TNRC6A: variants seen among roughly 807,000 people sequenced by gnomAD.
TNRC6A encodes trinucleotide repeat containing adaptor 6A, also known as trinucleotide repeat-containing gene 6A protein.
In TNRC6A, 44 loss-of-function variants were observed where a neutral mutation model predicts 221.2. The observed-to-expected ratio is 0.20, with a 90% CI of 0.16 to 0.26. The LOEUF is 0.26. TNRC6A is among the 10% of genes least tolerant of loss of function. The probability of loss-of-function intolerance (pLI) is 1.00; values close to 1 mark genes in which losing one functional copy is unlikely to be tolerated. For synonymous variants in TNRC6A, 847 were observed against 838.5 expected, an observed-to-expected ratio of 1.01 and a Z score of -0.18; for missense variants, 2,199 against 2,404.4, an observed-to-expected ratio of 0.91 and a Z score of 1.79.
At chr16:24,745,432 A>T (rs937050869) in intron 2 of TNRC6A, among the ~76,000 whole-genome samples, 1 of 152,164 alleles carries the variant, frequency 6.6e-6, no homozygotes, top group African/African-American at 2.4e-5. Flanking sequence ...AAGGAAATAG[A>T]AGAAGGTGGG....
chr16:24,777,908 AAAAT>A (rs2151735620), intron 5 of TNRC6A, among the ~76,000 whole-genome samples: 1 of 152,312 alleles, frequency 6.6e-6, no homozygotes, highest in South Asian at 2.1e-4. Context: ...GGTGAGGCAG[AAAAT>A]AAATCTGGTA....
At chr16:24,696,950 G>T (rs957822032) in intron 2 of TNRC6A, among the ~76,000 whole-genome samples, 3 of 152,018 alleles carry the variant, frequency 2.0e-5, no homozygotes, top group African/African-American at 7.2e-5. Context: ...AGAGACACGA[G>T]AACTGATAGC....
chr16:24,687,944 CTTTTCTTTTCT>C (rs1391862577), intron 2 of TNRC6A, among the ~76,000 whole-genome samples: 6 of 111,364 alleles, frequency 5.4e-5, no homozygotes, highest in African/African-American at 2.2e-4. Flanking sequence ...CTTTTCTTTT[CTTTTCTTTTCT>C]TTTTTTTTTT....
upstream of TNRC6A, among the ~76,000 whole-genome samples, chr16:24,728,179 T>C (rs1204422932): frequency 6.6e-6 from 1 of 152,184 alleles, no homozygotes; most frequent in Non-Finnish European, 1.5e-5. Context: ...CTGGGCGCGG[T>C]GGCTCACGCC....
intron 2 of TNRC6A, among the ~76,000 whole-genome samples, chr16:24,654,696 G>A (rs1902866099): frequency 1.3e-5 from 2 of 151,844 alleles, no homozygotes; most frequent in Non-Finnish European, 2.9e-5. Flanking sequence ...TCCAGCCTGG[G>A]TGACAGAGTG....
At position 24,790,064 on chromosome 16, in the gene TNRC6A, G is replaced by A. The variant is rs529580829; in HGVS notation, c.1422G>A (p.Glu474=). Residue 474 remains glutamate, a synonymous_variant, in exon 6 of 25, where the codon GAG becomes GAA. Transcript: ENST00000395799. The part of the protein sequence containing the change: ...LPNSGSVQNN[E]LPSSNTGAWR... ...ACTCCGGTTCAGTGCAGAATAATGA[G>A]CTGCCTAGTAGTAACACAGGGGCCT... The A allele has an allele frequency of 5.0e-6, 8 of 1,614,220 alleles. No individual in the cohort carries two copies. The South Asian group carries it at 7.7e-5, about 16-fold the overall frequency.
intron 2 of TNRC6A, among the ~76,000 whole-genome samples, chr16:24,721,329 T>C (rs1353399969): frequency 1.3e-5 from 2 of 152,124 alleles, no homozygotes; most frequent in African/African-American, 4.8e-5. Context: ...TCATACCAGA[T>C]TTACTCATAA....
At chr16:24,666,300 C>G (rs1025662283) in intron 2 of TNRC6A, among the ~76,000 whole-genome samples, 2 of 151,740 alleles carry the variant, frequency 1.3e-5, no homozygotes, top group South Asian at 2.1e-4. Flanking sequence ...AACCCCATCT[C>G]TACTAAAAAT....
chr16:24,797,455 C>A, intron 9 of TNRC6A, 35 bp from the exon 10 acceptor site: 1 of 1,512,562 alleles, frequency 6.6e-7, no homozygotes, highest in Non-Finnish European at 9.1e-7. Flanking sequence ...ACAGAGATGG[C>A]CATGGCATCT....
At position 24,812,019 on chromosome 16, in the gene TNRC6A, A is replaced by ATTTTTTTTTTTTTTTTTTTTTT. The variant is rs71156440; in HGVS notation, c.4672+2564_4672+2585dup. ...CCGTTCAGGGGAATGTCACTTTGGG[A>ATTTTTTTTTTTTTTTTTTTTTT]TTTTTTTTTTTTTTTTTTTTTTTTT... On this transcript the variant is annotated intron_variant, in intron 18 of 24. Transcript: ENST00000395799. 1.2e-4 allele frequency among the ~76,000 whole-genome samples: 5 copies of ATTTTTTTTTTTTTTTTTTTTTT among 40,854 alleles called. 1 individual carries two copies. Among genetic ancestry groups the ATTTTTTTTTTTTTTTTTTTTTT allele is most frequent in the African/African-American group, 2.0e-4 (2 of 10,152 alleles). 26.8% of individuals were successfully genotyped at this position (40,854 alleles called of 152,430 possible).
chr16:24,769,765 C>G (rs1298431972), intron 4 of TNRC6A, among the ~76,000 whole-genome samples: 1 of 152,186 alleles, frequency 6.6e-6, no homozygotes, highest in African/African-American at 2.4e-5. Context: ...ATCATTCTTT[C>G]TCTTTTCTTT....
intron 2 of TNRC6A, among the ~76,000 whole-genome samples, chr16:24,714,153 A>T (rs565297491): frequency 6.6e-6 from 1 of 151,938 alleles, no homozygotes; most frequent in Admixed American, 6.6e-5. Flanking sequence ...GTCTCCTATA[A>T]CCCATATAGG....
chr16:24,771,712 C>T (rs931836704), intron 4 of TNRC6A, among the ~76,000 whole-genome samples: 3 of 152,032 alleles, frequency 2.0e-5, no homozygotes, highest in Non-Finnish European at 2.9e-5. Flanking sequence ...GGACTACAGA[C>T]ATCTGCTGCT....
At chr16:24,774,312 A>G (rs2151693632) in intron 4 of TNRC6A, among the ~76,000 whole-genome samples, 1 of 152,292 alleles carries the variant, frequency 6.6e-6, no homozygotes, top group East Asian at 1.9e-4. Context: ...AGCTTCATGT[A>G]ATAATCAGTA....
intron 1 of TNRC6A, among the ~76,000 whole-genome samples, chr16:24,633,006 T>C (rs949672572): frequency 9.5e-6 from 1 of 104,780 alleles, no homozygotes; most frequent in Admixed American, 1.0e-4. Context: ...CAAAACTCAG[T>C]CTCGAAAAAA....
intron 2 of TNRC6A, among the ~76,000 whole-genome samples, chr16:24,677,763 G>A (rs1342426468): frequency 2.6e-5 from 4 of 152,152 alleles, no homozygotes; most frequent in African/African-American, 9.7e-5. Flanking sequence ...AATAGTGCCT[G>A]GTGCAAAGTA....
At chr16:24,649,411 C>A (rs964765058) in intron 2 of TNRC6A, among the ~76,000 whole-genome samples, 9 of 152,116 alleles carry the variant, frequency 5.9e-5, no homozygotes, top group Non-Finnish European at 1.3e-4. Context: ...TGGGCTCAAG[C>A]CATCTTCCCA....
rs905709912 is a variant in TNRC6A, at chr16:24,732,652, A to C, written c.53+2352A>C. Among the ~76,000 whole-genome samples, 6 of 152,328 alleles carry C rather than the reference A, an allele frequency of 3.9e-5. No individual in the cohort carries two copies. The East Asian group carries it at 7.7e-4, about 20-fold the overall frequency. On this transcript the variant is annotated intron_variant, in intron 2 of 24. Coordinates refer to ENST00000395799, the MANE Select transcript of TNRC6A (RefSeq NM_014494.4). ...TTTGGTAGGCGGGACCCACAGATGC[A>C]TGCAATACTTCTAGATCAGTTTTTT...
intron 2 of TNRC6A, among the ~76,000 whole-genome samples, chr16:24,702,180 T>C (rs201600433): frequency 5.4e-4 from 46 of 85,472 alleles, no homozygotes; most frequent in East Asian, 4.7e-3. Context: ...TTTTTCTTTT[T>C]TCTTTTTTTT....
Sources: gnomAD v4.1 joint callset for allele counts (sites outside exome capture counted in the v4.1 genomes callset) on GRCh38, gnomAD v4.1.1 for gene constraint, MANE v1.5 for transcripts, NCBI Gene and HGNC (gene_info 2026-07-23, HGNC 2026-07-21) for gene names.